Variants in LATS1 observed in about 807,000 individuals in gnomAD.
LATS1 encodes large tumor suppressor kinase 1.
LATS1 carries 25 observed loss-of-function variants against 106.6 expected under a neutral mutation model. The observed-to-expected ratio is 0.23, with a 90% CI of 0.17 to 0.33. The LOEUF (loss-of-function observed/expected upper bound fraction) is 0.33. Ranked by LOEUF, LATS1 falls within the 10% of genes least tolerant of loss-of-function variation. The probability of loss-of-function intolerance (pLI) is 1.00; values close to 1 mark genes in which losing one functional copy is unlikely to be tolerated. For missense variants in LATS1, 1,040 were observed against 1,382.6 expected (o/e 0.75, Z 3.93); for synonymous variants, 465 against 455.6 (o/e 1.02, Z -0.26).
At chr6:149,699,482 A>T (rs114175037) in intron 2 of LATS1, among the ~76,000 whole-genome samples, 2,718 of 152,210 alleles carry the variant, frequency 0.018, 72 homozygotes, top group African/African-American at 0.057. Flanking sequence ...AATAAAAAAA[A>T]AAAATAAAAT....
In LATS1 at chr6:149,701,857, A is replaced by C. The variant is rs765697266; in HGVS notation, c.270T>G (p.Asn90Lys). The C allele has an allele frequency of 6.2e-7, 1 of 1,614,172 alleles. No homozygotes were observed. The highest frequency in any genetic ancestry group is 1.7e-5 in the Admixed American group (1 of 60,006). ...EIRNSLLPFA[N>K]ETNSSRSTSE... The stretch of plus-strand genomic sequence containing the variant: ...AAGTACTCCGAGAAGAATTTGTTTC[A>C]TTTGCAAATGGAAGCAGAGAGTTTC... The change falls in exon 2 of 8, where the codon AAT becomes AAG. Residue 90 changes from asparagine (N) to lysine (K), a missense_variant. Asn to Lys is a moderately conservative substitution (Grantham distance 94, BLOSUM62 0). This residue lies in a region of LATS1 where 624 missense variants were observed against 714.8 expected (regional missense o/e 0.87). Coordinates refer to ENST00000543571, the MANE Select transcript of LATS1 (RefSeq NM_004690.4).
At chr6:149,696,299 T>A (rs1783062208) in intron 2 of LATS1, among the ~76,000 whole-genome samples, 1 of 147,038 alleles carries the variant, frequency 6.8e-6, no homozygotes, top group Non-Finnish European at 1.5e-5. Context: ...CTGAGTGCGG[T>A]GGCTCACACC....
chr6:149,690,819 G>T (rs536445553), intron 3 of LATS1, among the ~76,000 whole-genome samples: 1 of 152,230 alleles, frequency 6.6e-6, no homozygotes, highest in South Asian at 2.1e-4. Flanking sequence ...GATCACAAGC[G>T]TGAGCTACCA....
intron 7 of LATS1, among the ~76,000 whole-genome samples, chr6:149,668,643 A>G (rs1394993916): frequency 6.8e-6 from 1 of 147,734 alleles, no homozygotes; most frequent in Non-Finnish European, 1.5e-5. Context: ...ACTGTCTATG[A>G]TTTGTTACTC....
At chr6:149,697,295 T>C (rs557841203) in intron 2 of LATS1, 1 of 525,030 alleles carries the variant, frequency 1.9e-6, no homozygotes, top group South Asian at 1.7e-5. Flanking sequence ...AAGTTACTGA[T>C]TTTGTTGGAA....
intron 1 of LATS1, among the ~76,000 whole-genome samples, chr6:149,702,816 C>T (rs185166830): frequency 6.6e-6 from 1 of 152,114 alleles, no homozygotes; most frequent in East Asian, 1.9e-4. Context: ...GGATTACAGG[C>T]ACCCGCCACC....
chr6:149,707,597 T>C (rs866137752), intron 1 of LATS1, among the ~76,000 whole-genome samples: 5 of 152,184 alleles, frequency 3.3e-5, no homozygotes, highest in South Asian at 2.1e-4. Flanking sequence ...ACTCCTAACA[T>C]TGAGTGCACA....
At chr6:149,707,564 C>T (rs945231443) in intron 1 of LATS1, among the ~76,000 whole-genome samples, 12 of 152,148 alleles carry the variant, frequency 7.9e-5, no homozygotes, top group Non-Finnish European at 1.3e-4. Flanking sequence ...GAAATTCATT[C>T]TCTAGTCCTA....
At chr6:149,700,265 G>C (rs1783376963) in intron 2 of LATS1, among the ~76,000 whole-genome samples, 1 of 152,136 alleles carries the variant, frequency 6.6e-6, no homozygotes, top group African/African-American at 2.4e-5. Context: ...CACGAGGTCA[G>C]GAGTTCGAGA....
Position 149,683,363 on chromosome 6 carries a change from T to C in LATS1, c.1726A>G (p.Ile576Val). 6.2e-7 allele frequency: 1 copy of C among 1,614,228 alleles called. No individual in the cohort carries two copies. The highest frequency in any genetic ancestry group is 8.5e-7 in the Non-Finnish European group (1 of 1,180,042). ...QNPSVPPYES[I>V]SKPSKEDQPS... Reference sequence around the variant, plus strand: ...TGATCCTCTTTGCTAGGCTTACTGATTGACTCGTATGGAGGAACAGATGGG... The same window carrying C: ...TGATCCTCTTTGCTAGGCTTACTGACTGACTCGTATGGAGGAACAGATGGG... The change falls in exon 4 of 8, where the codon ATC becomes GTC. Residue 576 changes from isoleucine (I) to valine (V), a missense_variant. By Grantham distance (29) the Ile-to-Val change is conservative (BLOSUM62 3). Transcript: ENST00000543571.
intron 3 of LATS1, among the ~76,000 whole-genome samples, chr6:149,685,420 T>C (rs1782317458): frequency 6.6e-6 from 1 of 152,038 alleles, no homozygotes; most frequent in African/African-American, 2.4e-5. Context: ...AGACAAAGTC[T>C]CACTCTGTCA....
At chr6:149,665,569 C>A (rs1367230096) in intron 7 of LATS1, among the ~76,000 whole-genome samples, 2 of 152,210 alleles carry the variant, frequency 1.3e-5, no homozygotes, top group South Asian at 2.1e-4. Context: ...GGGGACATCA[C>A]AGAGAGGGAG....
At chr6:149,690,927 A>C (rs972815733) in intron 3 of LATS1, among the ~76,000 whole-genome samples, 3 of 152,212 alleles carry the variant, frequency 2.0e-5, no homozygotes, top group Non-Finnish European at 4.4e-5. Context: ...AAATCACCAT[A>C]GATGGTTTGA....
At position 149,676,625 on chromosome 6, in the gene LATS1, G is replaced by C. The variant is rs1358253965; in HGVS notation, c.2706C>G (p.His902Gln). The change falls in exon 6 of 8, where the codon CAC becomes CAG. Residue 902 changes from histidine (H) to glutamine (Q), a missense_variant. His to Gln is a conservative substitution (Grantham distance 24, BLOSUM62 0). This residue lies in a region of LATS1 where 63 missense variants were observed against 64.3 expected (regional missense o/e 0.98). Coordinates refer to ENST00000543571, the MANE Select transcript of LATS1 (RefSeq NM_004690.4). ...CCAAAGAATGTGCTAGACATCGCTGGTGCTGGCGTGCAGCTCTCCGCTCTA... is the reference window on the plus strand; with the variant it reads ...CCAAAGAATGTGCTAGACATCGCTGCTGCTGGCGTGCAGCTCTCCGCTCTA... Reference protein sequence around the residue: ...KPLERRAARQHQRCLAHSLVG... With the variant: ...KPLERRAARQQQRCLAHSLVG... 1 of 1,614,070 alleles carries C rather than the reference G, an allele frequency of 6.2e-7. No homozygotes were observed. Among genetic ancestry groups the C allele is most frequent in the Non-Finnish European group, 8.5e-7 (1 of 1,180,024 alleles).
At chr6:149,663,813 T>A (rs1781001503) in intron 7 of LATS1, among the ~76,000 whole-genome samples, 1 of 142,284 alleles carries the variant, frequency 7.0e-6, no homozygotes, top group African/African-American at 2.6e-5. Context: ...AGATGAACAA[T>A]TTTTTTTTTT....
Position 149,717,248 on chromosome 6 carries a change from C to A in LATS1, c.-141+601G>T, listed in dbSNP as rs562440981. ...GTCATCTGAGGCATTCATTGAGCTA[C>A]AAGCTATTTCAGGTTATAAAAAACA... On this transcript the variant is annotated intron_variant, in intron 1 of 7. Transcript: ENST00000543571. Among the ~76,000 whole-genome samples the A allele has an allele frequency of 3.1e-4, 47 of 152,336 alleles. No homozygotes were observed. In the South Asian group the frequency reaches 7.2e-3, roughly 23 times the overall value.
chr6:149,702,153 C>A lies in LATS1; in HGVS notation c.-27G>T, dbSNP rs375799812. The A allele has an allele frequency of 2.1e-6, 3 of 1,431,950 alleles. No homozygotes were observed. The highest frequency in any genetic ancestry group is 2.9e-6 in the Non-Finnish European group (3 of 1,043,754). The allele number at this position is 1,431,950 out of a possible 1,614,324, so 88.7% of individuals were successfully genotyped here. On this transcript the variant is annotated 5_prime_UTR_variant, in exon 2 of 8. Coordinates refer to ENST00000543571, the MANE Select transcript of LATS1 (RefSeq NM_004690.4). The stretch of plus-strand genomic sequence containing the variant: ...AAAACATCTATATATGTAGCCCACA[C>A]GAAGGACTTCTTTATTTGATAGATC...
intron 4 of LATS1, among the ~76,000 whole-genome samples, chr6:149,681,832 T>A (rs1782046532): frequency 1.3e-5 from 2 of 152,084 alleles, no homozygotes; most frequent in Non-Finnish European, 2.9e-5. Context: ...AAAACAATAA[T>A]GGCCAGGCAC....
chr6:149,665,285 C>T (rs1304326582), intron 7 of LATS1, among the ~76,000 whole-genome samples: 1 of 152,092 alleles, frequency 6.6e-6, no homozygotes, highest in African/African-American at 2.4e-5. Flanking sequence ...TCACTTGAAC[C>T]CAGGTGGCAG....
Sources: gnomAD v4.1 joint callset for allele counts (sites outside exome capture counted in the v4.1 genomes callset) on GRCh38, gnomAD v4.1.1 for gene constraint, gnomAD v4.1.1 regional missense constraint, MANE v1.5 for transcripts, NCBI Gene and HGNC (gene_info 2026-07-23, HGNC 2026-07-21) for gene names.